ADGRV1: variants seen among roughly 807,000 people sequenced by gnomAD.
The protein encoded by ADGRV1 is G-protein coupled receptor 98.
ADGRV1 carries 359 observed loss-of-function variants against 596.2 expected under a neutral mutation model. The ratio of observed to expected loss-of-function variants is 0.60; its 90% CI spans 0.55 to 0.66. The LOEUF is 0.66. Among genes scored for constraint, ADGRV1 ranks in the 30% least tolerant of loss-of-function variants. ADGRV1 has a pLI of 0.00. For synonymous variants in ADGRV1, 2,681 were observed against 2,679.2 expected (o/e 1.00, Z -0.02); for missense variants, 7,274 against 7,575.6 (o/e 0.96, Z 1.48).
chr5:90,824,353 C>G (rs1220368514), intron 76 of ADGRV1, among the ~76,000 whole-genome samples: 1 of 152,196 alleles, frequency 6.6e-6, no homozygotes, highest in African/African-American at 2.4e-5. Flanking sequence ...TAACTAGTGT[C>G]AAAGGACTTG....
intron 25 of ADGRV1, 147 bp downstream of exon 25, chr5:90,676,356 A>G (rs1744221502): frequency 1.6e-6 from 1 of 641,092 alleles, no homozygotes; most frequent in African/African-American, 1.9e-5. Flanking sequence ...GCAGCCTGAA[A>G]GTTAATAATT....
At chr5:90,934,333 G>T (rs552842948) in intron 83 of ADGRV1, among the ~76,000 whole-genome samples, 5 of 152,148 alleles carry the variant, frequency 3.3e-5, no homozygotes, top group Admixed American at 6.5e-5. Flanking sequence ...ATTGCTTGAA[G>T]GGGTGGAGAC....
intron 59 of ADGRV1, among the ~76,000 whole-genome samples, chr5:90,768,071 A>G (rs1339747180): frequency 6.6e-6 from 1 of 152,212 alleles, no homozygotes; most frequent in East Asian, 1.9e-4. Context: ...CCCAGTTACC[A>G]GATTCTTACT....
At chr5:90,577,751 A>T (rs575509721) in intron 1 of ADGRV1, among the ~76,000 whole-genome samples, 23 of 152,350 alleles carry the variant, frequency 1.5e-4, no homozygotes, top group Admixed American at 3.3e-4. Flanking sequence ...ATCCATGAGC[A>T]TGGAAGGTTC....
In ADGRV1 at chr5:90,841,817, G is replaced by A. The variant is rs1309262060; in HGVS notation, c.17019+832G>A. Among the ~76,000 whole-genome samples, 4 of 152,086 alleles carry A rather than the reference G, an allele frequency of 2.6e-5. No homozygotes were observed. In the South Asian group the frequency reaches 6.2e-4, roughly 24 times the overall value. ...GTTAACAATGGGGTTTTAGATAGTC[G>A]TGCATACTTTCCATCCAGTGGTATC... On this transcript the variant is annotated intron_variant, in intron 78 of 89. Coordinates refer to ENST00000405460, the MANE Select transcript of ADGRV1 (RefSeq NM_032119.4).
intron 48 of ADGRV1, 80 bp downstream of exon 48, chr5:90,725,736 T>C (rs1317982542): frequency 2.4e-6 from 2 of 821,096 alleles, no homozygotes; most frequent in African/African-American, 1.7e-5. Context: ...AAAGGTATGG[T>C]CTGCTGGTTT....
chr5:91,063,417 A>G (rs1161561287), intron 85 of ADGRV1, among the ~76,000 whole-genome samples: 2 of 152,246 alleles, frequency 1.3e-5, no homozygotes, highest in African/African-American at 2.4e-5. Context: ...AACAAAAGAC[A>G]TAATTCTATT....
chr5:91,060,384 A>G (rs1459282128), intron 85 of ADGRV1, among the ~76,000 whole-genome samples: 60 of 44,992 alleles, frequency 1.3e-3, no homozygotes, highest in African/African-American at 5.1e-3. Flanking sequence ...GTGTGTATAT[A>G]TATATATATA....
intron 17 of ADGRV1, among the ~76,000 whole-genome samples, chr5:90,649,458 C>G (rs1287754222): frequency 6.6e-6 from 1 of 151,998 alleles, no homozygotes; most frequent in African/African-American, 2.4e-5. Flanking sequence ...TCAAAACATC[C>G]TGAACCTTTT....
rs749244542 is a variant in ADGRV1, at chr5:90,653,342, T to A, written c.3768T>A (p.Asp1256Glu). Reference sequence around the variant, plus strand: ...GTTTAGAGAGAGAAGTGGCAGAAGATGTCCTGTCTGAAGATGATATGTCTT... The same window carrying A: ...GTTTAGAGAGAGAAGTGGCAGAAGAAGTCCTGTCTGAAGATGATATGTCTT... ...PECLEREVAE[D>E]VLSEDDMSYI... The change falls in exon 20 of 90, where the codon GAT becomes GAA. Residue 1256 changes from aspartate (D) to glutamate (E), a missense_variant. This residue lies in a region of ADGRV1 where 1,715 missense variants were observed against 1,708.8 expected (regional missense o/e 1.00). Coordinates refer to ENST00000405460, the MANE Select transcript of ADGRV1 (RefSeq NM_032119.4). The A allele has an allele frequency of 1.2e-6, 2 of 1,613,844 alleles. No homozygotes were observed. Among genetic ancestry groups the A allele is most frequent in the Non-Finnish European group, 1.7e-6 (2 of 1,179,874 alleles).
chr5:90,714,324 T>C (rs13165949), intron 42 of ADGRV1, among the ~76,000 whole-genome samples: 1,648 of 152,104 alleles, frequency 0.011, 10 homozygotes, highest in Non-Finnish European at 0.018. Context: ...TTATGTACTT[T>C]CCTGTGGTTT....
At chr5:91,103,594 C>T (rs1029809987) in intron 87 of ADGRV1, among the ~76,000 whole-genome samples, 3 of 151,874 alleles carry the variant, frequency 2.0e-5, no homozygotes, top group African/African-American at 7.3e-5. Context: ...GCTTGGCAGA[C>T]ACACAGTGTT....
Position 90,683,998 on chromosome 5 carries a change from AT to A in ADGRV1, c.6081del (p.Pro2028HisfsTer4). On this transcript the variant is annotated frameshift_variant, in exon 28 of 90. Transcript: ENST00000405460. LOFTEE classifies it high-confidence loss of function. ...ATLDDMEKPP[Y>X]FPPNLARATQ... is the part of the protein sequence containing the mutation. ...CTAGATGATATGGAAAAACCACCTT[AT>A]TTTCCACCTAATTTAGCGAGAGCAA... The A allele has an allele frequency of 6.2e-7, 1 of 1,613,812 alleles. No homozygotes were observed. Among genetic ancestry groups the A allele is most frequent in the East Asian group, 2.2e-5 (1 of 44,866 alleles).
chr5:91,035,861 T>TATATTATATATATATATATATATA, intron 85 of ADGRV1, among the ~76,000 whole-genome samples: 1 of 96,402 alleles, frequency 1.0e-5, no homozygotes, highest in African/African-American at 3.8e-5. Context: ...TATATATATA[T>TATATTATATATATATATATATATA]TATATATATA....
At chr5:90,581,121 C>T (rs932259610) in intron 1 of ADGRV1, among the ~76,000 whole-genome samples, 1 of 152,176 alleles carries the variant, frequency 6.6e-6, no homozygotes, top group Admixed American at 6.5e-5. Flanking sequence ...TTAAAGTCTC[C>T]TCTACACTGT....
intron 89 of ADGRV1, among the ~76,000 whole-genome samples, chr5:91,158,831 G>T (rs1796689504): frequency 1.3e-5 from 2 of 149,652 alleles, no homozygotes; most frequent in South Asian, 4.3e-4. Flanking sequence ...GCTCCATATT[G>T]GATGGATACA....
intron 1 of ADGRV1, among the ~76,000 whole-genome samples, chr5:90,595,575 A>G (rs1760308006): frequency 1.7e-5 from 2 of 117,552 alleles, no homozygotes; most frequent in African/African-American, 7.1e-5. Context: ...TGACCCCCCA[A>G]CCTCCCTCCC....
intron 78 of ADGRV1, among the ~76,000 whole-genome samples, chr5:90,841,590 G>A (rs1008231029): frequency 2.6e-5 from 4 of 152,030 alleles, no homozygotes; most frequent in Non-Finnish European, 4.4e-5. Flanking sequence ...GGAGATGTGA[G>A]AGCCTAAGAA....
rs1581856468 is a variant in ADGRV1 at position 91,035,864 on chromosome 5, T to TATATATATATATAATATATATA, written c.18153-36570_18153-36569insATATATATAATATATATATATA. ...AGTGTGTATATATATATATATATTA[T>TATATATATATATAATATATATA]ATATATATATATATATATCTTACAA... On this transcript the variant is annotated intron_variant, in intron 85 of 89. Transcript: ENST00000405460. Among the ~76,000 whole-genome samples, 9 of 68,222 alleles carry TATATATATATATAATATATATA rather than the reference T, an allele frequency of 1.3e-4. No individual in the cohort carries two copies. The East Asian group carries it at 1.9e-3, about 14-fold the overall frequency. The allele number at this position is 68,222 out of a possible 152,430, so 44.8% of individuals were successfully genotyped here.
Sources: allele counts gnomAD v4.1 joint callset (sites outside exome capture counted in the v4.1 genomes callset), GRCh38; gene constraint gnomAD v4.1.1; regional missense constraint gnomAD v4.1.1; transcripts MANE v1.5; gene names NCBI Gene and HGNC (gene_info 2026-07-23, HGNC 2026-07-21).